The following CCDC3 variants were observed in gnomAD, a reference collection of about 807,000 sequenced individuals.
CCDC3 encodes coiled-coil domain-containing protein 3.
A neutral mutation model predicts 21.4 loss-of-function variants in CCDC3; 24 were observed. That is an observed-to-expected ratio of 1.12 (90% CI 0.81 to 1.58). The LOEUF is 1.58. CCDC3 is among the 40% of genes most tolerant of loss of function. The probability of loss-of-function intolerance (pLI) is 0.00; values close to 1 mark genes in which losing one functional copy is unlikely to be tolerated. For synonymous variants in CCDC3, 186 were observed against 166.0 expected, an observed-to-expected ratio of 1.12 and a Z score of -0.93; for missense variants, 425 against 360.9, an observed-to-expected ratio of 1.18 and a Z score of -1.44.
chr10:13,009,840 C>T (rs1564318733), intron 5 of CCDC3, among the ~76,000 whole-genome samples: 1 of 152,162 alleles, frequency 6.6e-6, no homozygotes, highest in African/African-American at 2.4e-5. Flanking sequence ...ACTTAGACAT[C>T]ATCAAAATAT....
chr10:12,930,790 C>T (rs1475170415), intron 2 of CCDC3, among the ~76,000 whole-genome samples: 1 of 152,170 alleles, frequency 6.6e-6, no homozygotes, highest in Non-Finnish European at 1.5e-5. Flanking sequence ...ATCACCCACT[C>T]CCAAACATAA....
At chr10:13,031,655 G>C (rs541184005) in intron 5 of CCDC3, among the ~76,000 whole-genome samples, 1 of 152,094 alleles carries the variant, frequency 6.6e-6, no homozygotes, top group Admixed American at 6.5e-5. Context: ...ATGATAAAGG[G>C]GGTATCACCA....
At chr10:12,907,260 G>A (rs371024845) in intron 2 of CCDC3, among the ~76,000 whole-genome samples, 11 of 152,154 alleles carry the variant, frequency 7.2e-5, no homozygotes, top group African/African-American at 1.4e-4. Flanking sequence ...TCAATGACTC[G>A]AAAATGAAAA....
At chr10:13,086,598 C>A (rs1837109975) in intron 3 of CCDC3, among the ~76,000 whole-genome samples, 1 of 152,184 alleles carries the variant, frequency 6.6e-6, no homozygotes, top group Non-Finnish European at 1.5e-5. Context: ...AGGCACATGC[C>A]ACCACGCCCC....
chr10:12,965,093 C>T (rs1835241909), intron 2 of CCDC3, among the ~76,000 whole-genome samples: 1 of 152,048 alleles, frequency 6.6e-6, no homozygotes, highest in African/African-American at 2.4e-5. Flanking sequence ...GACATCACAC[C>T]CAAGGTTTGT....
In CCDC3 at chr10:12,898,303, G is replaced by T; in HGVS notation, c.*113C>A. The T allele has an allele frequency of 1.7e-6, 2 of 1,171,420 alleles. No homozygotes were observed. Among genetic ancestry groups the T allele is most frequent in the South Asian group, 1.6e-5 (1 of 62,568 alleles). 72.6% of individuals were successfully genotyped at this position (1,171,420 alleles called of 1,614,324 possible). Reference sequence around the variant, plus strand: ...TATCCATTTAGACTCTACCAAATGCGTGATTAAAAACAAAAACTCTTACAA... The same window carrying T: ...TATCCATTTAGACTCTACCAAATGCTTGATTAAAAACAAAAACTCTTACAA... On this transcript the variant is annotated 3_prime_UTR_variant, in exon 3 of 3. Transcript: ENST00000378825.
chr10:13,000,812 G>A (rs780630721), intron 1 of CCDC3, among the ~76,000 whole-genome samples: 10 of 152,164 alleles, frequency 6.6e-5, no homozygotes, highest in Non-Finnish European at 1.3e-4. Flanking sequence ...AGGAAGGGCA[G>A]AGCCAAAATG....
chr10:12,919,782 G>A (rs1190824728), intron 2 of CCDC3, among the ~76,000 whole-genome samples: 1 of 152,208 alleles, frequency 6.6e-6, no homozygotes, highest in African/African-American at 2.4e-5. Flanking sequence ...GCCCGAGATG[G>A]CATGCAGCTC....
intron 2 of CCDC3, among the ~76,000 whole-genome samples, chr10:12,952,864 A>G (rs1412608957): frequency 6.6e-6 from 1 of 152,054 alleles, no homozygotes; most frequent in East Asian, 1.9e-4. Context: ...CCATGTGCAC[A>G]TCCATGGGTT....
chr10:13,072,003 G>A (rs1053983589), intron 4 of CCDC3, among the ~76,000 whole-genome samples: 2 of 152,076 alleles, frequency 1.3e-5, no homozygotes, highest in African/African-American at 4.8e-5. Context: ...TCAGGAGAAG[G>A]GAACCCAGAA....
chr10:13,073,154 C>T (rs1194313274), intron 4 of CCDC3, among the ~76,000 whole-genome samples: 1 of 152,214 alleles, frequency 6.6e-6, no homozygotes, highest in Non-Finnish European at 1.5e-5. Context: ...GCATGAGCCA[C>T]TATCCCTGGC....
chr10:12,961,476 T>C (rs1835178346), intron 2 of CCDC3, among the ~76,000 whole-genome samples: 1 of 152,222 alleles, frequency 6.6e-6, no homozygotes, highest in Non-Finnish European at 1.5e-5. Flanking sequence ...AAAGTTGTCC[T>C]AGCCACAGTC....
chr10:13,069,042 G>A (rs1017704228), intron 4 of CCDC3, among the ~76,000 whole-genome samples: 1 of 152,160 alleles, frequency 6.6e-6, no homozygotes, highest in South Asian at 2.1e-4. Context: ...GATCACCTGA[G>A]GTCGGGAGTT....
At chr10:12,903,644 T>C (rs1370390526) in intron 2 of CCDC3, among the ~76,000 whole-genome samples, 1 of 152,162 alleles carries the variant, frequency 6.6e-6, no homozygotes, top group Non-Finnish European at 1.5e-5. Flanking sequence ...CCCAGGTGCT[T>C]GGGTACCTCT....
rs539212035 is a variant in CCDC3 at position 13,033,189 on chromosome 10, C to T, written c.-2+16485G>A. Among the ~76,000 whole-genome samples the T allele has an allele frequency of 1.1e-3, 175 of 152,218 alleles. 1 individual carries two copies. The highest frequency in any genetic ancestry group is 3.9e-3 in the African/African-American group (162 of 41,548). On this transcript the variant is annotated intron_variant, in intron 5 of 6. Transcript: ENST00000378839. ...CAGAGCCCTCAGAAATAATACCACA[C>T]ATCTACAACCATCTGATCTTTGACA...
chr10:13,076,448 T>C (rs1411150997), intron 3 of CCDC3, among the ~76,000 whole-genome samples: 2 of 152,248 alleles, frequency 1.3e-5, no homozygotes, highest in African/African-American at 4.8e-5. Context: ...GACCCAGACG[T>C]AGGAGTGTCC....
intron 2 of CCDC3, among the ~76,000 whole-genome samples, chr10:12,944,432 T>A (rs545638556): frequency 6.6e-6 from 1 of 152,322 alleles, no homozygotes; most frequent in South Asian, 2.1e-4. Flanking sequence ...TCAGGAAATG[T>A]TTGAATCTGC....
chr10:13,090,543 G>A (rs1011992266), intron 3 of CCDC3, among the ~76,000 whole-genome samples: 1 of 152,150 alleles, frequency 6.6e-6, no homozygotes, highest in Non-Finnish European at 1.5e-5. Flanking sequence ...CTGAGGTTCA[G>A]GCCCATTTTT....
chr10:12,921,826 C>T (rs765806779), intron 2 of CCDC3, among the ~76,000 whole-genome samples: 8 of 152,140 alleles, frequency 5.3e-5, no homozygotes, highest in Non-Finnish European at 1.0e-4. Context: ...ACTGTAGCCT[C>T]GAAACTTCTG....
Sources: allele counts gnomAD v4.1 joint callset (sites outside exome capture counted in the v4.1 genomes callset), GRCh38; gene constraint gnomAD v4.1.1; transcripts MANE v1.5; gene names NCBI Gene and HGNC (gene_info 2026-07-23, HGNC 2026-07-21).